Variants in FAM133B observed in about 807,000 individuals in gnomAD.
FAM133B encodes family with sequence similarity 133 member B, also known as protein FAM133B.
A neutral mutation model predicts 46.4 loss-of-function variants in FAM133B; 25 were observed. The observed-to-expected ratio is 0.54, with a 90% confidence interval of 0.39 to 0.75. FAM133B has a LOEUF of 0.75. FAM133B is among the 30% of genes least tolerant of loss of function. The pLI is 0.00. For synonymous variants in FAM133B, 75 were observed against 86.0 expected, an observed-to-expected ratio of 0.87 and a Z score of 0.71; for missense variants, 205 against 277.6, an observed-to-expected ratio of 0.74 and a Z score of 1.86.
intron 10 of FAM133B, among the ~76,000 whole-genome samples, chr7:92,564,027 T>C (rs1585293775): frequency 1.3e-5 from 2 of 152,224 alleles, no homozygotes; most frequent in African/African-American, 2.4e-5. Context: ...CAGCTTCTTA[T>C]AACATTCTGA....
chr7:92,565,902 C>G, intron 10 of FAM133B, 112 bp downstream of exon 10: 1 of 1,167,492 alleles, frequency 8.6e-7, no homozygotes, highest in Non-Finnish European at 1.3e-6. Context: ...ACACCTTTCC[C>G]AACAAATACT....
chr7:92,575,760 A>C lies in FAM133B; in HGVS notation c.516+11T>G. The C allele has an allele frequency of 7.4e-7, 1 of 1,346,158 alleles. No homozygotes were observed. The highest frequency in any genetic ancestry group is 1.1e-6 in the Non-Finnish European group (1 of 948,028). The allele number at this position is 1,346,158 out of a possible 1,614,324, so 83.4% of individuals were successfully genotyped here. On this transcript the variant is annotated intron_variant, in intron 8 of 10. Coordinates refer to ENST00000445716, the MANE Select transcript of FAM133B (RefSeq NM_152789.4). ...ACAGACTATCTTAAGGCAATGTAAAAGTATAGTTACCTTTTCTTTCTCAGT... is the reference window on the plus strand; with the variant it reads ...ACAGACTATCTTAAGGCAATGTAAACGTATAGTTACCTTTTCTTTCTCAGT...
Position 92,577,716 on chromosome 7 carries a change from T to C in FAM133B, c.311A>G (p.Tyr104Cys), listed in dbSNP as rs750796171. 1.3e-6 allele frequency: 2 copies of C among 1,574,858 alleles called. 1 individual carries two copies. Reference sequence around the variant, plus strand: ...AGAGCTTGATGAAGAAGAAGATGAATACTTGACCAAGCACAAAACAATTAA... The same window carrying C: ...AGAGCTTGATGAAGAAGAAGATGAACACTTGACCAAGCACAAAACAATTAA... ...KKKEKKKSGR[Y>C]SSSSSSSSDS... Residue 104 changes from tyrosine to cysteine, a missense_variant and splice_region_variant, in exon 6 of 11, where the codon TAT (tyrosine) becomes TGT (cysteine). Physicochemically the swap from Tyr to Cys is radical, Grantham distance 194 (BLOSUM62 -2). Coordinates refer to ENST00000445716, the MANE Select transcript of FAM133B (RefSeq NM_152789.4).
In FAM133B at chr7:92,575,796, G is replaced by T; in HGVS notation, c.491C>A (p.Ser164Ter). The T allele has an allele frequency of 7.3e-7, 1 of 1,379,116 alleles. No individual in the cohort carries two copies. The highest frequency in any genetic ancestry group is 1.2e-5 in the South Asian group (1 of 85,058). 85.4% of individuals were successfully genotyped at this position (1,379,116 alleles called of 1,614,324 possible). A position where few individuals can be genotyped will look rare whatever the true frequency, so the allele number is the denominator to read the frequency against. The change falls in exon 8 of 11, where the codon TCA becomes TAA. Residue 164 changes from serine (S) to a stop codon, truncating the protein, a stop_gained. Coordinates refer to ENST00000445716, the MANE Select transcript of FAM133B (RefSeq NM_152789.4). LOFTEE classifies it high-confidence loss of function. ...CTTTTCTTTCTCAGTTCCATCTTTTGACTTCTTTTTCTTTTTTAAACTATC... is the reference window on the plus strand; with the variant it reads ...CTTTTCTTTCTCAGTTCCATCTTTTTACTTCTTTTTCTTTTTTAAACTATC... ...SKDSLKKKKK[S>*]KDGTEKEKDI...
chr7:92,567,285 T>C (rs1394778462), intron 9 of FAM133B, among the ~76,000 whole-genome samples: 2 of 152,226 alleles, frequency 1.3e-5, no homozygotes, highest in Non-Finnish European at 2.9e-5. Context: ...ACATGTTAAG[T>C]CCAAATGTGA....
At chr7:92,589,164 T>C (rs921703852) in intron 1 of FAM133B, among the ~76,000 whole-genome samples, 1 of 152,186 alleles carries the variant, frequency 6.6e-6, no homozygotes, top group Non-Finnish European at 1.5e-5. Flanking sequence ...TTTTCCTCAT[T>C]TTGCTACTCA....
At chr7:92,580,673 C>T (rs960323165) in intron 2 of FAM133B, among the ~76,000 whole-genome samples, 1 of 152,142 alleles carries the variant, frequency 6.6e-6, no homozygotes, top group Non-Finnish European at 1.5e-5. Flanking sequence ...ACCATGAGTA[C>T]GACTATCTGC....
chr7:92,569,207 T>C (rs142833487), intron 9 of FAM133B, among the ~76,000 whole-genome samples: 1 of 152,356 alleles, frequency 6.6e-6, no homozygotes, highest in East Asian at 1.9e-4. Context: ...TAAAGAAAGC[T>C]ACAGTTTTAA....
At chr7:92,581,159 A>C (rs1252932107) in intron 2 of FAM133B, among the ~76,000 whole-genome samples, 3 of 152,262 alleles carry the variant, frequency 2.0e-5, no homozygotes, top group Non-Finnish European at 4.4e-5. Context: ...GCTGAATATT[A>C]TTCTTCCTGC....
chr7:92,577,375 G>A (rs1341328615), intron 6 of FAM133B, 180 bp from the exon 7 acceptor site: 8 of 462,392 alleles, frequency 1.7e-5, no homozygotes, highest in Non-Finnish European at 2.6e-5. Flanking sequence ...TGAATCACAT[G>A]TAATGCCTAG....
intron 9 of FAM133B, among the ~76,000 whole-genome samples, chr7:92,567,463 CAAT>C (rs1213750797): frequency 1.3e-5 from 2 of 151,936 alleles, no homozygotes; most frequent in Non-Finnish European, 2.9e-5. Context: ...ATGCAATTAA[CAAT>C]AAAAGGAAGC....
intron 10 of FAM133B, among the ~76,000 whole-genome samples, chr7:92,565,336 A>G (rs1223553955): frequency 6.8e-6 from 1 of 146,930 alleles, no homozygotes; most frequent in Non-Finnish European, 1.5e-5. Flanking sequence ...TTTTTTTTTT[A>G]GTAGAGACGG....
intron 8 of FAM133B, among the ~76,000 whole-genome samples, chr7:92,572,201 A>C (rs1427639490): frequency 6.6e-6 from 1 of 152,252 alleles, no homozygotes; most frequent in Non-Finnish European, 1.5e-5. Context: ...AGAAAATGAA[A>C]TATGAATGGC....
rs1340514549 is a variant in FAM133B at position 92,590,378 on chromosome 7, G to A, written c.-87C>T. 17 of 1,588,764 alleles carry A rather than the reference G, an allele frequency of 1.1e-5. No individual in the cohort carries two copies. The highest frequency in any genetic ancestry group is 4.5e-5 in the South Asian group (4 of 89,148). ...AGGGCCTGCCGCAGGTCCTCTTGCC[G>A]CCTCCCCACTCCGCCTAGAGAGCGG... is the stretch of plus-strand genomic sequence containing the variant. On this transcript the variant is annotated 5_prime_UTR_variant, in exon 1 of 11. Coordinates refer to ENST00000445716, the MANE Select transcript of FAM133B (RefSeq NM_152789.4).
intron 8 of FAM133B, among the ~76,000 whole-genome samples, chr7:92,570,414 A>AG (rs1794492956): frequency 6.6e-6 from 1 of 152,104 alleles, no homozygotes; most frequent in Admixed American, 6.5e-5. Flanking sequence ...TGAAAAAGTG[A>AG]GTAACTCTGG....
intron 1 of FAM133B, 132 bp downstream of exon 1, chr7:92,590,136 G>T: frequency 7.4e-7 from 1 of 1,354,188 alleles, no homozygotes; most frequent in Non-Finnish European, 1.0e-6. Context: ...ATCGGCGGAG[G>T]GTGCTGGGTC....
chr7:92,571,510 T>C (rs1170073897), intron 8 of FAM133B, among the ~76,000 whole-genome samples: 2 of 152,206 alleles, frequency 1.3e-5, no homozygotes, highest in Non-Finnish European at 2.9e-5. Flanking sequence ...GGTCAAAAGT[T>C]TGAGTTTTGA....
At chr7:92,577,630 A>T (rs1213374281) in intron 6 of FAM133B, 25 bp downstream of exon 6, 28 of 1,535,010 alleles carry the variant, frequency 1.8e-5, no homozygotes, top group Non-Finnish European at 2.1e-5. Context: ...ATATTATTTC[A>T]TGAACCATTA....
At chr7:92,584,047 CA>C (rs765172200) in intron 1 of FAM133B, among the ~76,000 whole-genome samples, 516 of 36,794 alleles carry the variant, frequency 0.014, 1 homozygote, top group African/African-American at 0.024. Flanking sequence ...AAGACTGTCT[CA>C]AAAAAAAAAA....
Sources: allele counts gnomAD v4.1 joint callset (sites outside exome capture counted in the v4.1 genomes callset), GRCh38; gene constraint gnomAD v4.1.1; transcripts MANE v1.5; gene names NCBI Gene and HGNC (gene_info 2026-07-23, HGNC 2026-07-21).